CDH18: variants seen among roughly 807,000 people sequenced by gnomAD.
The protein encoded by CDH18 is cadherin-18.
A neutral mutation model predicts 67.9 loss-of-function variants in CDH18; 31 were observed. The observed-to-expected ratio is 0.46, with a 90% CI of 0.34 to 0.62. The LOEUF is 0.62. CDH18 is among the 20% of genes least tolerant of loss of function. The pLI is 0.01. For missense variants in CDH18, 890 were observed against 975.5 expected (o/e 0.91, Z 1.17); for synonymous variants, 362 against 347.2 (o/e 1.04, Z -0.48).
chr5:20,157,576 G>A (rs913810561), intron 2 of CDH18, among the ~76,000 whole-genome samples: 1 of 151,296 alleles, frequency 6.6e-6, no homozygotes, highest in Admixed American at 6.6e-5. Flanking sequence ...ACATTTTTAA[G>A]TGTAGTTATC....
chr5:19,984,525 C>T (rs1799377322), intron 1 of CDH18, among the ~76,000 whole-genome samples: 1 of 152,020 alleles, frequency 6.6e-6, no homozygotes, highest in Non-Finnish European at 1.5e-5. Context: ...GAATATTAAC[C>T]TTTCTTGTAG....
intron 2 of CDH18, among the ~76,000 whole-genome samples, chr5:19,883,023 G>T (rs1190377325): frequency 6.6e-6 from 1 of 152,060 alleles, no homozygotes; most frequent in Non-Finnish European, 1.5e-5. Flanking sequence ...GAAAGGTGTG[G>T]TTGGGCTTTT....
chr5:20,325,097 T>C (rs1738431440), intron 1 of CDH18, among the ~76,000 whole-genome samples: 1 of 152,220 alleles, frequency 6.6e-6, no homozygotes, highest in South Asian at 2.1e-4. Flanking sequence ...CGAATGCTTT[T>C]AAGGTTTGTA....
intron 1 of CDH18, among the ~76,000 whole-genome samples, chr5:20,394,534 C>G (rs1175002103): frequency 6.9e-6 from 1 of 144,782 alleles, no homozygotes; most frequent in Non-Finnish European, 1.5e-5. Flanking sequence ...TAATTTATAA[C>G]TAACAAATAG....
intron 2 of CDH18, among the ~76,000 whole-genome samples, chr5:19,846,913 T>A (rs1026075244): frequency 8.8e-6 from 1 of 114,272 alleles, no homozygotes; most frequent in East Asian, 2.5e-4. Flanking sequence ...TCGGCAAGAT[T>A]TTTTTTCTTT....
At chr5:19,634,200 G>C (rs1027314195) in intron 5 of CDH18, among the ~76,000 whole-genome samples, 1 of 152,190 alleles carries the variant, frequency 6.6e-6, no homozygotes, top group Non-Finnish European at 1.5e-5. Context: ...CTGTGTGAAA[G>C]AAAATGCTTG....
chr5:20,448,441 A>AT (rs1330721997), intron 1 of CDH18, among the ~76,000 whole-genome samples: 1 of 152,054 alleles, frequency 6.6e-6, no homozygotes, highest in African/African-American at 2.4e-5. Flanking sequence ...AATAAACTTT[A>AT]TTTTTTCTTA....
intron 11 of CDH18, among the ~76,000 whole-genome samples, chr5:19,485,224 G>T (rs1290590603): frequency 2.0e-5 from 3 of 149,846 alleles, no homozygotes; most frequent in African/African-American, 7.3e-5. Context: ...CCTAGTGAAA[G>T]AAGAATTTTT....
chr5:19,895,405 G>T (rs1789212351), intron 2 of CDH18, among the ~76,000 whole-genome samples: 2 of 152,126 alleles, frequency 1.3e-5, no homozygotes, highest in African/African-American at 4.8e-5. Flanking sequence ...ATTTGTCTTA[G>T]CTGTAAGACT....
intron 5 of CDH18, among the ~76,000 whole-genome samples, chr5:19,654,108 T>C (rs1755977647): frequency 6.6e-6 from 1 of 152,156 alleles, no homozygotes; most frequent in African/African-American, 2.4e-5. Context: ...AGCCTTTCTT[T>C]AGCAGCCTCT....
At chr5:19,880,188 A>G (rs1787483824) in intron 2 of CDH18, among the ~76,000 whole-genome samples, 1 of 151,900 alleles carries the variant, frequency 6.6e-6, no homozygotes, top group Non-Finnish European at 1.5e-5. Context: ...CTGACCCAAA[A>G]CCACACACTG....
intron 2 of CDH18, among the ~76,000 whole-genome samples, chr5:19,875,896 C>CT (rs144505666): frequency 0.81 from 122,714 of 151,406 alleles, 51,188 homozygotes; most frequent in Non-Finnish European, 0.91. Flanking sequence ...TTAATTGTAA[C>CT]TTTTTTTTAT....
intron 2 of CDH18, among the ~76,000 whole-genome samples, chr5:20,208,549 T>C (rs1292923618): frequency 6.6e-6 from 1 of 152,020 alleles, no homozygotes; most frequent in East Asian, 1.9e-4. Context: ...CTCTGATCAC[T>C]CACTGTATTA....
chr5:20,445,326 T>G (rs573434003), intron 1 of CDH18, among the ~76,000 whole-genome samples: 86 of 152,288 alleles, frequency 5.6e-4, no homozygotes, highest in African/African-American at 2.0e-3. Flanking sequence ...GGAAGAAGGC[T>G]GCCAGGATCC....
chr5:19,775,404 G>C (rs1235543910), intron 3 of CDH18, among the ~76,000 whole-genome samples: 1 of 152,156 alleles, frequency 6.6e-6, no homozygotes, highest in African/African-American at 2.4e-5. Flanking sequence ...AGAGGAATCT[G>C]CTTCTGTGGA....
chr5:20,101,348 C>T (rs1746449229), intron 2 of CDH18, among the ~76,000 whole-genome samples: 1 of 152,152 alleles, frequency 6.6e-6, no homozygotes, highest in Non-Finnish European at 1.5e-5. Flanking sequence ...GAATCATTGA[C>T]AGCATCATTC....
chr5:20,053,249 T>C (rs1394156068), intron 2 of CDH18, among the ~76,000 whole-genome samples: 1 of 151,194 alleles, frequency 6.6e-6, no homozygotes, highest in Non-Finnish European at 1.5e-5. Context: ...ATATATATCA[T>C]ACAGTCCATA....
chr5:19,612,710 G>T, intron 5 of CDH18, 109 bp from the exon 6 acceptor site: 1 of 830,602 alleles, frequency 1.2e-6, no homozygotes, highest in Non-Finnish European at 1.9e-6. Context: ...CATATTTTTG[G>T]GATAAAGTCA....
chr5:20,382,628 G>A (rs1744002050), intron 1 of CDH18, among the ~76,000 whole-genome samples: 3 of 152,096 alleles, frequency 2.0e-5, no homozygotes, highest in Admixed American at 2.0e-4. Flanking sequence ...AAGATGAACA[G>A]GAGGAATGGA....
Sources: allele counts gnomAD v4.1 joint callset (sites outside exome capture counted in the v4.1 genomes callset), GRCh38; gene constraint gnomAD v4.1.1; transcripts MANE v1.5; gene names NCBI Gene and HGNC (gene_info 2026-07-23, HGNC 2026-07-21).